PTPRT: variants seen among roughly 807,000 people sequenced by gnomAD.
PTPRT encodes protein tyrosine phosphatase receptor type T.
A neutral mutation model predicts 176.8 loss-of-function variants in PTPRT; 56 were observed. The ratio of observed to expected loss-of-function variants is 0.32; its 90% CI spans 0.26 to 0.40. PTPRT has a LOEUF of 0.40. PTPRT is among the 10% of genes least tolerant of loss of function. PTPRT has a pLI of 1.00. For missense variants in PTPRT, 1,540 were observed against 1,908.2 expected, an observed-to-expected ratio of 0.81 and a Z score of 3.60; for synonymous variants, 783 against 739.0, an observed-to-expected ratio of 1.06 and a Z score of -0.96.
rs761336223 is a variant in PTPRT at position 42,072,795 on chromosome 20, T to C, written c.*8084A>G. 13 of 215,078 alleles carry C rather than the reference T, an allele frequency of 6.0e-5. No homozygotes were observed. The highest frequency in any genetic ancestry group is 8.5e-5 in the Non-Finnish European group (9 of 106,378). 13.3% of individuals were successfully genotyped at this position (215,078 alleles called of 1,614,324 possible). Reference sequence around the variant, plus strand: ...ATCTCAGGGTCACAGCTTTATTGTATAGATTTTTTAACACAGCCATGTTAC... The same window carrying C: ...ATCTCAGGGTCACAGCTTTATTGTACAGATTTTTTAACACAGCCATGTTAC... On this transcript the variant is annotated 3_prime_UTR_variant, in exon 31 of 31. Transcript: ENST00000373187.
At chr20:42,898,815 G>A (rs928932850) in intron 1 of PTPRT, among the ~76,000 whole-genome samples, 1 of 152,092 alleles carries the variant, frequency 6.6e-6, no homozygotes, top group African/African-American at 2.4e-5. Flanking sequence ...GATGAAAGAA[G>A]GAGGCCCTCT....
the PTPRT span, chr20:42,063,537 C>T: frequency 6.6e-6 from 1 of 152,146 alleles, no homozygotes; most frequent in South Asian, 2.1e-4. Flanking sequence ...TGGAATGTAG[C>T]AGGAATCGGA....
intron 1 of PTPRT, among the ~76,000 whole-genome samples, chr20:43,129,123 T>C (rs2013555992): frequency 6.6e-6 from 1 of 152,220 alleles, no homozygotes; most frequent in African/African-American, 2.4e-5. Context: ...ATTAGTTCAG[T>C]TAATGACTGG....
chr20:42,609,643 T>C (rs1224741052), intron 7 of PTPRT, among the ~76,000 whole-genome samples: 1 of 152,138 alleles, frequency 6.6e-6, no homozygotes, highest in Non-Finnish European at 1.5e-5. Flanking sequence ...ATGGAATCCA[T>C]CTTTAGAGCT....
intron 1 of PTPRT, among the ~76,000 whole-genome samples, chr20:43,187,898 T>G (rs2015433763): frequency 6.6e-6 from 1 of 152,254 alleles, no homozygotes. Flanking sequence ...CAACCAGATT[T>G]GCATTTTAAT....
intron 17 of PTPRT, among the ~76,000 whole-genome samples, chr20:42,143,961 C>G (rs1244877522): frequency 6.6e-6 from 1 of 152,212 alleles, no homozygotes. Context: ...TTGAGGACAA[C>G]TCTTGGAAAC....
At chr20:42,678,278 C>T (rs1327835325) in intron 6 of PTPRT, 119 bp from the exon 7 acceptor site, 2 of 917,354 alleles carry the variant, frequency 2.2e-6, no homozygotes, top group East Asian at 5.5e-5. Context: ...TAGTCAGAAA[C>T]CCCTTTTTGT....
the PTPRT span, among the ~76,000 whole-genome samples, chr20:42,051,879 A>T: frequency 6.6e-6 from 1 of 152,138 alleles, no homozygotes; most frequent in Admixed American, 6.5e-5. Context: ...ACATTTTCCA[A>T]ACTTCCTGGC....
chr20:42,898,448 T>A (rs2079342817), intron 1 of PTPRT, among the ~76,000 whole-genome samples: 1 of 152,174 alleles, frequency 6.6e-6, no homozygotes, highest in African/African-American at 2.4e-5. Flanking sequence ...CCCTAAGTGA[T>A]CCTCCCTCCT....
chr20:42,317,733 A>T (rs1325224524), intron 11 of PTPRT, among the ~76,000 whole-genome samples: 1 of 152,170 alleles, frequency 6.6e-6, no homozygotes, highest in Non-Finnish European at 1.5e-5. Flanking sequence ...AATGTGACAC[A>T]CTCAATATGG....
chr20:42,300,715 T>C (rs1261196888), intron 12 of PTPRT, among the ~76,000 whole-genome samples: 1 of 151,184 alleles, frequency 6.6e-6, no homozygotes, highest in Non-Finnish European at 1.5e-5. Flanking sequence ...GAACAAATGA[T>C]GGAATTAGAA....
intron 1 of PTPRT, among the ~76,000 whole-genome samples, chr20:43,069,011 A>G (rs1453314695): frequency 6.6e-6 from 1 of 152,162 alleles, no homozygotes; most frequent in Non-Finnish European, 1.5e-5. Context: ...GGTCATGAAT[A>G]ATGAGGTCAT....
chr20:42,115,022 C>A (rs183766274), intron 22 of PTPRT, among the ~76,000 whole-genome samples, 177 bp downstream of exon 22: 349 of 152,254 alleles, frequency 2.3e-3, no homozygotes, highest in Non-Finnish European at 2.8e-3. Context: ...TTTGCCCCAC[C>A]TACTAGATGT....
chr20:42,107,963 G>GA (rs1393563094), intron 23 of PTPRT, among the ~76,000 whole-genome samples: 1 of 152,190 alleles, frequency 6.6e-6, no homozygotes, highest in African/African-American at 2.4e-5. Context: ...TCTGACTTAA[G>GA]TTTGCTTCAG....
chr20:42,450,713 C>T (rs2070812976), intron 8 of PTPRT, among the ~76,000 whole-genome samples: 1 of 152,178 alleles, frequency 6.6e-6, no homozygotes, highest in African/African-American at 2.4e-5. Flanking sequence ...CTTATCCACC[C>T]TTCCTTTCCA....
intron 1 of PTPRT, among the ~76,000 whole-genome samples, chr20:43,118,492 T>C (rs2013138738): frequency 6.6e-6 from 1 of 152,134 alleles, no homozygotes; most frequent in African/African-American, 2.4e-5. Context: ...GGCTGGAGTG[T>C]ACAGTGGCTC....
At chr20:42,439,938 C>T (rs575336151) in intron 9 of PTPRT, among the ~76,000 whole-genome samples, 3 of 152,232 alleles carry the variant, frequency 2.0e-5, no homozygotes, top group South Asian at 2.1e-4. Flanking sequence ...GAGACAGTCT[C>T]GCTCTGTTGC....
chr20:42,118,049 A>G (rs1404722646), intron 21 of PTPRT, among the ~76,000 whole-genome samples: 1 of 152,230 alleles, frequency 6.6e-6, no homozygotes, highest in Admixed American at 6.5e-5. Context: ...CAACAAAAAC[A>G]GCCATTTCTT....
At chr20:42,889,050 T>C (rs2145879433) in intron 1 of PTPRT, among the ~76,000 whole-genome samples, 1 of 152,262 alleles carries the variant, frequency 6.6e-6, no homozygotes, top group Non-Finnish European at 1.5e-5. Context: ...CATTAACACT[T>C]GCCCCTAGTC....
Sources: allele counts gnomAD v4.1 joint callset (sites outside exome capture counted in the v4.1 genomes callset), GRCh38; gene constraint gnomAD v4.1.1; transcripts MANE v1.5; gene names NCBI Gene and HGNC (gene_info 2026-07-23, HGNC 2026-07-21).